HHAT: variants seen among roughly 807,000 people sequenced by gnomAD.
HHAT encodes the protein hedgehog acyltransferase, also known as protein-cysteine N-palmitoyltransferase HHAT.
Under a neutral mutation model 70.8 loss-of-function variants are expected in HHAT, and 47 were observed. The ratio of observed to expected loss-of-function variants is 0.66; its 90% confidence interval spans 0.53 to 0.85. The LOEUF (loss-of-function observed/expected upper bound fraction) is 0.85. Ranked by LOEUF, HHAT falls within the 40% of genes least tolerant of loss-of-function variation. The pLI is 0.00. For synonymous variants in HHAT, 228 were observed against 247.6 expected (o/e 0.92, Z 0.74); for missense variants, 609 against 604.8 (o/e 1.01, Z -0.07).
chr1:210,413,984 A>C (rs541551060), intron 6 of HHAT, among the ~76,000 whole-genome samples: 2 of 151,982 alleles, frequency 1.3e-5, no homozygotes, highest in African/African-American at 2.4e-5. Context: ...CAGCACTCCC[A>C]CTCTTGGTAC....
At chr1:210,510,167 C>T (rs2094930138) in intron 8 of HHAT, among the ~76,000 whole-genome samples, 1 of 151,996 alleles carries the variant, frequency 6.6e-6, no homozygotes, top group African/African-American at 2.4e-5. Flanking sequence ...TGTGCTAAAG[C>T]TTAGTGTCCT....
At chr1:210,490,752 G>A in intron 8 of HHAT, among the ~76,000 whole-genome samples, 1 of 152,266 alleles carries the variant, frequency 6.6e-6, no homozygotes, top group Non-Finnish European at 1.5e-5. Context: ...TGGGTGTCAT[G>A]TCTTACTTTT....
intron 11 of HHAT, among the ~76,000 whole-genome samples, chr1:210,633,102 T>G (rs1224607496): frequency 3.9e-5 from 6 of 152,176 alleles, no homozygotes; most frequent in Non-Finnish European, 7.4e-5. Flanking sequence ...GTTGGTAGTA[T>G]TTGGTTCTGG....
At chr1:210,440,882 T>C (rs2093490845) in intron 7 of HHAT, among the ~76,000 whole-genome samples, 1 of 152,228 alleles carries the variant, frequency 6.6e-6, no homozygotes, top group African/African-American at 2.4e-5. Context: ...CCTATCAGTT[T>C]CTTCTTTGGA....
intron 9 of HHAT, among the ~76,000 whole-genome samples, chr1:210,550,606 G>C (rs1223617094): frequency 6.7e-6 from 1 of 148,940 alleles, no homozygotes; most frequent in East Asian, 2.2e-4. Context: ...GTGGAAAGGA[G>C]ATACTGTTAA....
chr1:210,503,465 CTT>C (rs1262557917), intron 8 of HHAT, among the ~76,000 whole-genome samples: 1 of 152,220 alleles, frequency 6.6e-6, no homozygotes, highest in African/African-American at 2.4e-5. Context: ...CATCTGATGA[CTT>C]TGCTTTATAC....
At chr1:210,337,572 G>A (rs577040511) in intron 1 of HHAT, among the ~76,000 whole-genome samples, 1 of 152,086 alleles carries the variant, frequency 6.6e-6, no homozygotes, top group South Asian at 2.1e-4. Context: ...CTTCATCCAG[G>A]AGCCCCTCCT....
intron 9 of HHAT, among the ~76,000 whole-genome samples, chr1:210,558,484 A>T (rs2095592609): frequency 6.6e-6 from 1 of 152,144 alleles, no homozygotes; most frequent in Non-Finnish European, 1.5e-5. Context: ...TTTGGGTCTT[A>T]TCTGTTTGTG....
In HHAT at chr1:210,615,453, C is replaced by T. The variant is rs1667497737; in HGVS notation, c.1246-8073C>T. On this transcript the variant is annotated intron_variant, in intron 10 of 11. Coordinates refer to ENST00000261458, the MANE Select transcript of HHAT (RefSeq NM_018194.6). ...TCTCTCAACTCATCAAATTCATTCT[C>T]CGTCCAGCTTTGTTCCATTGCTGGT... Among the ~76,000 whole-genome samples, 3 of 152,222 alleles carry T rather than the reference C, an allele frequency of 2.0e-5. No homozygotes were observed. The South Asian group carries it at 6.2e-4, about 32-fold the overall frequency.
Position 210,400,584 on chromosome 1 carries a change from C to G in HHAT, c.390C>G (p.Phe130Leu), listed in dbSNP as rs746026575. The part of the protein sequence containing the change: ...HTTISFCVAQ[F>L]RSQLLTWLCS... ...CCATCTCTTTCTGCGTGGCCCAGTT[C>G]CGGTCTCAGCTCCTGACGTGGCTCT... Residue 130 changes from phenylalanine (F) to leucine (L), a missense_variant, in exon 5 of 12, where the codon TTC (phenylalanine) becomes TTG (leucine). Transcript: ENST00000261458. 1 of 1,614,124 alleles carries G rather than the reference C, an allele frequency of 6.2e-7. No homozygotes were observed. The highest frequency in any genetic ancestry group is 1.1e-5 in the South Asian group (1 of 91,078).
intron 11 of HHAT, among the ~76,000 whole-genome samples, chr1:210,642,737 G>T (rs1237988152): frequency 6.6e-6 from 1 of 152,008 alleles, no homozygotes; most frequent in African/African-American, 2.4e-5. Flanking sequence ...ATATATTCTG[G>T]GTAAGAATTT....
intron 10 of HHAT, among the ~76,000 whole-genome samples, chr1:210,611,113 A>T (rs531974681): frequency 1.3e-5 from 2 of 152,280 alleles, no homozygotes; most frequent in Admixed American, 6.5e-5. Context: ...CAGTATGGCC[A>T]TTTTCACGAT....
chr1:210,356,728 C>A (rs185188834), intron 2 of HHAT, among the ~76,000 whole-genome samples: 1 of 152,204 alleles, frequency 6.6e-6, no homozygotes, highest in Admixed American at 6.5e-5. Context: ...TAACCTCTTA[C>A]GGGTCATGGG....
intron 9 of HHAT, among the ~76,000 whole-genome samples, chr1:210,527,903 T>G (rs2095270056): frequency 6.6e-6 from 1 of 152,204 alleles, no homozygotes. Context: ...ACTTTGAAAC[T>G]CTGAGTTATG....
intron 1 of HHAT, among the ~76,000 whole-genome samples, chr1:210,337,213 A>G (rs1571682124): frequency 6.6e-6 from 1 of 152,230 alleles, no homozygotes; most frequent in South Asian, 2.1e-4. Context: ...TTAAGTTTTG[A>G]AAGTTTATGA....
chr1:210,389,524 C>T (rs1000905889), intron 4 of HHAT, among the ~76,000 whole-genome samples: 2 of 152,160 alleles, frequency 1.3e-5, no homozygotes, highest in African/African-American at 4.8e-5. Flanking sequence ...GGCAGACTTC[C>T]CCCTTATTGT....
intron 10 of HHAT, among the ~76,000 whole-genome samples, chr1:210,598,189 C>G (rs114938940): frequency 6.6e-6 from 1 of 151,878 alleles, no homozygotes; most frequent in Non-Finnish European, 1.5e-5. Flanking sequence ...TGGCTGAGCA[C>G]GTATCCAAAT....
intron 11 of HHAT, among the ~76,000 whole-genome samples, chr1:210,657,540 C>T (rs1413418447): frequency 2.6e-5 from 4 of 152,170 alleles, no homozygotes; most frequent in Non-Finnish European, 4.4e-5. Context: ...GGCTGCTGCC[C>T]CCGGGAACTT....
chr1:210,447,827 C>T (rs1224238521), intron 7 of HHAT, among the ~76,000 whole-genome samples: 1 of 152,178 alleles, frequency 6.6e-6, no homozygotes, highest in African/African-American at 2.4e-5. Flanking sequence ...TAATATAGAT[C>T]TGTCTCTATG....
Sources: allele counts gnomAD v4.1 joint callset (sites outside exome capture counted in the v4.1 genomes callset), GRCh38; gene constraint gnomAD v4.1.1; transcripts MANE v1.5; gene names NCBI Gene and HGNC (gene_info 2026-07-23, HGNC 2026-07-21).